LAMB1: variants seen among roughly 807,000 people sequenced by gnomAD.
The protein encoded by LAMB1 is laminin subunit beta-1.
In LAMB1, 121 loss-of-function variants were observed where a neutral mutation model predicts 222.3. The observed-to-expected ratio is 0.54, with a 90% CI of 0.47 to 0.63. LAMB1 has a LOEUF of 0.63. Among genes scored for constraint, LAMB1 ranks in the 30% least tolerant of loss-of-function variants. LAMB1 has a pLI of 0.00. For missense variants in LAMB1, 2,172 were observed against 2,240.8 expected (o/e 0.97, Z 0.62); for synonymous variants, 794 against 807.2 (o/e 0.98, Z 0.28).
chr7:107,956,912 C>A (rs1179283458), intron 20 of LAMB1, among the ~76,000 whole-genome samples: 5 of 152,202 alleles, frequency 3.3e-5, no homozygotes, highest in African/African-American at 1.2e-4. Context: ...AAAGTTTATA[C>A]AACTAGTTAA....
chr7:107,942,596 G>A (rs2033017586), intron 24 of LAMB1: 1 of 152,200 alleles, frequency 6.6e-6, no homozygotes, highest in African/African-American at 2.4e-5. Flanking sequence ...GGGTAATCAG[G>A]AAACTGAGTC....
chr7:107,951,230 G>A lies in LAMB1; in HGVS notation c.3387C>T (p.Cys1129=). Residue 1129 remains cysteine, a synonymous_variant, in exon 24 of 34, where the codon TGC becomes TGT. Transcript: ENST00000222399. ...GCGAGAACGCCCACAACTCACCTCG[G>A]CACTCCACGTCGGGGTCTCCCCAGA... The part of the protein sequence containing the change: ...ELFWGDPDVE[C]RACDCDPRGI... The A allele has an allele frequency of 3.1e-6, 5 of 1,613,568 alleles. No individual in the cohort carries two copies. The highest frequency in any genetic ancestry group is 4.2e-6 in the Non-Finnish European group (5 of 1,179,510).
In LAMB1 at chr7:107,944,130, G is replaced by C. The variant is rs923489977; in HGVS notation, c.3392-3772C>G. 5.3e-5 allele frequency among the ~76,000 whole-genome samples: 8 copies of C among 152,182 alleles called. No individual in the cohort carries two copies. In the East Asian group the frequency reaches 1.5e-3, roughly 29 times the overall value. ...TTTCTTTCCCATAGATGATGCAAAG[G>C]TATACCTTTGTTCAGTCCTAAACAT... On this transcript the variant is annotated intron_variant, in intron 24 of 33. Transcript: ENST00000222399.
At chr7:107,994,215 G>A (rs2034239201) in intron 5 of LAMB1, among the ~76,000 whole-genome samples, 1 of 152,176 alleles carries the variant, frequency 6.6e-6, no homozygotes, top group Admixed American at 6.5e-5. Context: ...TGCTTAAGAA[G>A]AAACAAAGGG....
chr7:107,962,465 G>A (rs1010221042), intron 15 of LAMB1, among the ~76,000 whole-genome samples: 3 of 152,314 alleles, frequency 2.0e-5, no homozygotes, highest in East Asian at 1.9e-4. Context: ...TGTAATCCCA[G>A]CACTTTGGGA....
Position 107,940,184 on chromosome 7 carries a change from A to G in LAMB1, c.3566T>C (p.Ile1189Thr). 6.2e-7 allele frequency: 1 copy of G among 1,614,154 alleles called. No homozygotes were observed. Among genetic ancestry groups the G allele is most frequent in the South Asian group, 1.1e-5 (1 of 91,088 alleles). The change falls in exon 25 of 34, where the codon ATC becomes ACC. Residue 1189 changes from isoleucine to threonine, a missense_variant. Coordinates refer to ENST00000222399, the MANE Select transcript of LAMB1 (RefSeq NM_002291.3). ...TGTCCTGTTGGTCAGCTCGGCAATGATCACATCCCAGAGAGCAAAGCACTG... is the reference window on the plus strand; with the variant it reads ...TGTCCTGTTGGTCAGCTCGGCAATGGTCACATCCCAGAGAGCAAAGCACTG... ...CHQCFALWDV[I>T]IAELTNRTHR...
intron 10 of LAMB1, 117 bp downstream of exon 10, chr7:107,975,572 T>G (rs986317788): frequency 7.9e-6 from 10 of 1,264,464 alleles, no homozygotes; most frequent in Non-Finnish European, 2.2e-6. Context: ...TCAACTGCAA[T>G]TACAATAACA....
intron 26 of LAMB1, 65 bp downstream of exon 26, chr7:107,937,028 T>G (rs977662478): frequency 2.3e-6 from 3 of 1,318,036 alleles, no homozygotes; most frequent in African/African-American, 3.0e-5. Flanking sequence ...AAAAGTGCTA[T>G]ATTAAAACGT....
At position 108,002,868 on chromosome 7, in the gene LAMB1, C is replaced by T. The variant is rs1338443467; in HGVS notation, c.18G>A (p.Leu6=). ...AATTACCTAAGAAACTGAAAGCTAG[C>T]AACTGGAGAAGCCCCATGCCGGCTC... MGLLQ[L]LAFSFLALCR... Residue 6 remains leucine (L), a synonymous_variant, in exon 2 of 34, where the codon TTG becomes TTA. Coordinates refer to ENST00000222399, the MANE Select transcript of LAMB1 (RefSeq NM_002291.3). 1 of 1,614,150 alleles carries T rather than the reference C, an allele frequency of 6.2e-7. No individual in the cohort carries two copies. The highest frequency in any genetic ancestry group is 1.1e-5 in the South Asian group (1 of 91,070).
rs1238040183 is a variant in LAMB1, at chr7:108,000,205, AAAAAAAGTTT to A, written c.213+1343_213+1352del. Among the ~76,000 whole-genome samples, 4 of 151,964 alleles carry A rather than the reference AAAAAAAGTTT, an allele frequency of 2.6e-5. No homozygotes were observed. In the East Asian group the frequency reaches 7.7e-4, roughly 29 times the overall value. On this transcript the variant is annotated intron_variant, in intron 3 of 33. Coordinates refer to ENST00000222399, the MANE Select transcript of LAMB1 (RefSeq NM_002291.3). ...AGAACAATCACCAGAACTCAAAAAA[AAAAAAAGTTT>A]AAAAAAGTTTAATTACAGCCTCCCT...
At chr7:107,992,731 C>T (rs904543555) in intron 5 of LAMB1, among the ~76,000 whole-genome samples, 8 of 152,068 alleles carry the variant, frequency 5.3e-5, no homozygotes, top group African/African-American at 1.9e-4. Context: ...CCTGCCTCTA[C>T]CAAAAATACA....
In LAMB1 at chr7:107,959,763, G is replaced by A. The variant is rs547005958; in HGVS notation, c.2386C>T (p.Pro796Ser). 63 of 1,614,172 alleles carry A rather than the reference G, an allele frequency of 3.9e-5. 1 individual carries two copies. In the South Asian group the frequency reaches 6.4e-4, roughly 16 times the overall value. Residue 796 changes from proline to serine, a missense_variant, in exon 19 of 34, where the codon CCC becomes TCC. Pro to Ser is a moderately conservative substitution (Grantham distance 74). Coordinates refer to ENST00000222399, the MANE Select transcript of LAMB1 (RefSeq NM_002291.3). Reference protein sequence around the residue: ...DPNGGQCQCRPNVVGRTCNRC... With the variant: ...DPNGGQCQCRSNVVGRTCNRC... ...TTGCAGGTTCTTCCAACCACGTTGG[G>A]CCGGCACTGGCACTGGCCTCCGTTG...
At chr7:107,952,490 G>A (rs1356095130) in intron 22 of LAMB1, among the ~76,000 whole-genome samples, 1 of 152,236 alleles carries the variant, frequency 6.6e-6, no homozygotes, top group Non-Finnish European at 1.5e-5. Flanking sequence ...GATTTGACAA[G>A]ATGCTGGTGA....
chr7:107,929,812 A>G lies in LAMB1; in HGVS notation c.4538-193T>C, dbSNP rs2032662376. The G allele has an allele frequency of 5.0e-6, 3 of 600,342 alleles. No individual in the cohort carries two copies. The South Asian group carries it at 6.0e-5, about 12-fold the overall frequency. The allele number at this position is 600,342 out of a possible 1,614,324, so 37.2% of individuals were successfully genotyped here. A position where few individuals can be genotyped will look rare whatever the true frequency, so the allele number is the denominator to read the frequency against. ...TGAGACCTACACACACAAAAAAGTA[A>G]CTGCAGACAATTGAGTACTACTAGA... On this transcript the variant is annotated intron_variant, in intron 29 of 33. Coordinates refer to ENST00000222399, the MANE Select transcript of LAMB1 (RefSeq NM_002291.3).
At chr7:107,984,677 C>G (rs2034040234) in intron 7 of LAMB1, among the ~76,000 whole-genome samples, 1 of 152,158 alleles carries the variant, frequency 6.6e-6, no homozygotes, top group Non-Finnish European at 1.5e-5. Context: ...GGCCTTATAA[C>G]TAGGGTTGCC....
rs200749474 is a variant in LAMB1, at chr7:107,975,086, T to C, written c.1382A>G (p.Asn461Ser). Residue 461 changes from asparagine (N) to serine (S), a missense_variant, in exon 12 of 34, where the codon AAT becomes AGT. Transcript: ENST00000222399. ...DPFGCKSCACNPLGTIPGGNP... is the reference protein window; with the variant it reads ...DPFGCKSCACSPLGTIPGGNP... ...CCCTCCAGGAATTGTTCCCAGAGGATTGCAAGCACAAGCTGTATTAAAACA... is the reference window on the plus strand; with the variant it reads ...CCCTCCAGGAATTGTTCCCAGAGGACTGCAAGCACAAGCTGTATTAAAACA... The C allele has an allele frequency of 1.0e-4, 168 of 1,608,992 alleles. No homozygotes were observed. In the East Asian group the frequency reaches 3.2e-3, roughly 31 times the overall value.
chr7:107,986,255 A>G lies in LAMB1; in HGVS notation c.532T>C (p.Ser178Pro). ...YDCEASFPGISTGPMKKVDDI... is the reference protein window; with the variant it reads ...YDCEASFPGIPTGPMKKVDDI... Reference sequence around the variant, plus strand: ...TCGACTTTTTTCATGGGGCCAGTTGAAATGCCTGGAAACGAGGCCTCACAG... The same window carrying G: ...TCGACTTTTTTCATGGGGCCAGTTGGAATGCCTGGAAACGAGGCCTCACAG... The change falls in exon 6 of 34, where the codon TCA becomes CCA. Residue 178 changes from serine (S) to proline (P), a missense_variant. Coordinates refer to ENST00000222399, the MANE Select transcript of LAMB1 (RefSeq NM_002291.3). 1 of 1,614,188 alleles carries G rather than the reference A, an allele frequency of 6.2e-7. No individual in the cohort carries two copies. Among genetic ancestry groups the G allele is most frequent in the East Asian group, 2.2e-5 (1 of 44,880 alleles).
chr7:107,986,740 G>A (rs1334127130), intron 5 of LAMB1, among the ~76,000 whole-genome samples: 4 of 152,128 alleles, frequency 2.6e-5, no homozygotes, highest in Non-Finnish European at 5.9e-5. Flanking sequence ...ATTCAATAAA[G>A]GTATGACTAC....
chr7:107,988,807 C>T (rs1563006795), intron 5 of LAMB1, among the ~76,000 whole-genome samples: 1 of 152,186 alleles, frequency 6.6e-6, no homozygotes, highest in Non-Finnish European at 1.5e-5. Flanking sequence ...AGACAGCCAT[C>T]CCGAACCAAG....
Sources: allele counts gnomAD v4.1 joint callset (sites outside exome capture counted in the v4.1 genomes callset), GRCh38; gene constraint gnomAD v4.1.1; transcripts MANE v1.5; gene names NCBI Gene and HGNC (gene_info 2026-07-23, HGNC 2026-07-21).